The following ADAMTS14 variants were observed in gnomAD, a reference collection of about 807,000 sequenced individuals.
ADAMTS14 encodes the protein ADAM metallopeptidase with thrombospondin type 1 motif 14.
In ADAMTS14, 100 loss-of-function variants were observed where a neutral mutation model predicts 128.6. The observed-to-expected ratio is 0.78, with a 90% CI of 0.66 to 0.92. The LOEUF (loss-of-function observed/expected upper bound fraction) is 0.92. ADAMTS14 is among the 40% of genes least tolerant of loss of function. The probability of loss-of-function intolerance (pLI) is 0.00; values close to 1 mark genes in which losing one functional copy is unlikely to be tolerated. For missense variants in ADAMTS14, 1,562 were observed against 1,658.6 expected (o/e 0.94, Z 1.01); for synonymous variants, 665 against 653.8 (o/e 1.02, Z -0.26).
intron 7 of ADAMTS14, among the ~76,000 whole-genome samples, chr10:70,732,726 G>A (rs1000354898): frequency 3.3e-5 from 5 of 152,140 alleles, no homozygotes; most frequent in African/African-American, 4.8e-5. Flanking sequence ...CCTCCATCAC[G>A]TCCACATTTG....
chr10:70,752,614 G>A (rs1441477431), intron 18 of ADAMTS14, among the ~76,000 whole-genome samples: 1 of 152,114 alleles, frequency 6.6e-6, no homozygotes, highest in East Asian at 1.9e-4. Flanking sequence ...TGAACCTGTT[G>A]CAGAGCCGGC....
intron 2 of ADAMTS14, among the ~76,000 whole-genome samples, chr10:70,688,595 C>T (rs1276053012): frequency 6.7e-5 from 6 of 89,646 alleles, no homozygotes; most frequent in Non-Finnish European, 1.2e-4. Flanking sequence ...ACTGAGTGAA[C>T]GAGACTCCGT....
intron 3 of ADAMTS14, among the ~76,000 whole-genome samples, chr10:70,706,502 G>A (rs1053699834): frequency 5.3e-5 from 8 of 152,206 alleles, no homozygotes; most frequent in Non-Finnish European, 7.4e-5. Flanking sequence ...CCTGCTGGGG[G>A]CTGCCCTCCT....
chr10:70,753,796 C>G lies in ADAMTS14; in HGVS notation c.2730-4C>G, dbSNP rs1564560404. ...CACCTCCTCTCCTTTCACCCTGTTT[C>G]CAGGTGGGTGACGGAGGAGTGGGGT... On this transcript the variant is annotated splice_region_variant and splice_polypyrimidine_tract_variant and intron_variant, in intron 18 of 21. Transcript: ENST00000373207. 1 of 1,566,366 alleles carries G rather than the reference C, an allele frequency of 6.4e-7. No individual in the cohort carries two copies. The highest frequency in any genetic ancestry group is 1.9e-5 in the Admixed American group (1 of 52,422).
At chr10:70,728,375 CT>C (rs1261449991) in intron 4 of ADAMTS14, among the ~76,000 whole-genome samples, 1 of 152,114 alleles carries the variant, frequency 6.6e-6, no homozygotes, top group African/African-American at 2.4e-5. Context: ...ATTTCATTTT[CT>C]TTTTTTGTAG....
chr10:70,689,104 C>A lies in ADAMTS14; in HGVS notation c.523-13208C>A, dbSNP rs1392729327. Among the ~76,000 whole-genome samples, 2 of 138,078 alleles carry A rather than the reference C, an allele frequency of 1.4e-5. 1 individual carries two copies. The highest frequency in any genetic ancestry group is 5.0e-5 in the African/African-American group (2 of 39,770). The allele number at this position is 138,078 out of a possible 152,430, so 90.6% of individuals were successfully genotyped here. A position where few individuals can be genotyped will look rare whatever the true frequency, so the allele number is the denominator to read the frequency against. On this transcript the variant is annotated intron_variant, in intron 2 of 21. Coordinates refer to ENST00000373207, the MANE Select transcript of ADAMTS14 (RefSeq NM_080722.4). ...GTTCCACAGCCTGGCCGACTGCTGG[C>A]CTGGGTGCATCGTGCCTTTGAGGCT...
At chr10:70,691,825 G>A (rs138804250) in intron 2 of ADAMTS14, among the ~76,000 whole-genome samples, 1 of 152,270 alleles carries the variant, frequency 6.6e-6, no homozygotes, top group East Asian at 1.9e-4. Flanking sequence ...GACTCCCTCT[G>A]TCCCCTCTCA....
rs1841840161 is a variant in ADAMTS14 at position 70,736,742 on chromosome 10, C to T, written c.1548C>T (p.Cys516=). 1 of 1,613,846 alleles carries T rather than the reference C, an allele frequency of 6.2e-7. No individual in the cohort carries two copies. The highest frequency in any genetic ancestry group is 2.2e-5 in the East Asian group (1 of 44,860). ...GCCATCCTGACAACCCGTACTTCTG[C>T]AAGACCAAGAAGGGGCCCCCGCTGG... ...WCSHPDNPYF[C]KTKKGPPLDG... The change falls in exon 10 of 22, where the codon TGC becomes TGT. Residue 516 remains cysteine, a synonymous_variant. Coordinates refer to ENST00000373207, the MANE Select transcript of ADAMTS14 (RefSeq NM_080722.4).
chr10:70,726,791 C>G (rs530683163), intron 4 of ADAMTS14, among the ~76,000 whole-genome samples: 1 of 152,214 alleles, frequency 6.6e-6, no homozygotes, highest in South Asian at 2.1e-4. Context: ...CCTACTCCAC[C>G]CTGAAGTCCC....
chr10:70,704,898 G>A (rs1840612755), intron 3 of ADAMTS14, among the ~76,000 whole-genome samples: 1 of 151,500 alleles, frequency 6.6e-6, no homozygotes, highest in South Asian at 2.1e-4. Flanking sequence ...ACAAACACAT[G>A]CTTATACCCA....
intron 2 of ADAMTS14, among the ~76,000 whole-genome samples, chr10:70,687,305 C>T (rs1416164913): frequency 5.6e-5 from 6 of 107,668 alleles, no homozygotes; most frequent in African/African-American, 1.5e-4. Flanking sequence ...CCACCTCCCT[C>T]CTGGACAGGG....
At chr10:70,743,141 T>C (rs1842058389) in intron 12 of ADAMTS14, among the ~76,000 whole-genome samples, 1 of 152,184 alleles carries the variant, frequency 6.6e-6, no homozygotes, top group African/African-American at 2.4e-5. Flanking sequence ...ACCTACCTCA[T>C]TGAGGTGTTG....
chr10:70,761,015 C>A lies in ADAMTS14; in HGVS notation c.*162C>A. ...CTGTGATGCTCTTTACCCCACAAAG[C>A]GGGGTGGGAGGAAGACAAAGATCAG... On this transcript the variant is annotated 3_prime_UTR_variant, in exon 22 of 22. Coordinates refer to ENST00000373207, the MANE Select transcript of ADAMTS14 (RefSeq NM_080722.4). 9.3e-7 allele frequency: 1 copy of A among 1,074,792 alleles called. No homozygotes were observed. Among genetic ancestry groups the A allele is most frequent in the Non-Finnish European group, 1.3e-6 (1 of 789,558 alleles). 66.6% of individuals were successfully genotyped at this position (1,074,792 alleles called of 1,614,324 possible). A position where few individuals can be genotyped will look rare whatever the true frequency, so the allele number is the denominator to read the frequency against.
intron 2 of ADAMTS14, among the ~76,000 whole-genome samples, chr10:70,694,970 T>C (rs1239477488): frequency 6.6e-6 from 1 of 152,250 alleles, no homozygotes; most frequent in African/African-American, 2.4e-5. Context: ...TCAAAGTGGC[T>C]GCGCTGTTTT....
intron 3 of ADAMTS14, among the ~76,000 whole-genome samples, chr10:70,705,415 C>T (rs377703992): frequency 6.5e-4 from 99 of 152,336 alleles, no homozygotes; most frequent in East Asian, 3.9e-3. Context: ...ATGCCAGGGC[C>T]GCCAGCCGGG....
At chr10:70,708,457 C>T (rs1269282618) in intron 3 of ADAMTS14, 131 bp from the exon 4 acceptor site, 4 of 763,814 alleles carry the variant, frequency 5.2e-6, no homozygotes, top group South Asian at 4.0e-5. Flanking sequence ...GGAGCAATCC[C>T]TCATACTACT....
intron 7 of ADAMTS14, among the ~76,000 whole-genome samples, chr10:70,733,577 C>T (rs915582035): frequency 1.2e-4 from 19 of 152,110 alleles, no homozygotes; most frequent in East Asian, 1.9e-4. Context: ...GACCAGTGGC[C>T]GAGTGGGGCT....
intron 5 of ADAMTS14, among the ~76,000 whole-genome samples, chr10:70,729,666 G>A (rs1429042607): frequency 2.0e-5 from 3 of 152,128 alleles, no homozygotes; most frequent in African/African-American, 7.2e-5. Context: ...ACTGAGACAA[G>A]TCATGTTATG....
chr10:70,707,528 GC>G (rs983319878), intron 3 of ADAMTS14, among the ~76,000 whole-genome samples: 2 of 152,070 alleles, frequency 1.3e-5, no homozygotes. Context: ...TCACTCCACC[GC>G]CCCAGCAGAG....
Sources: gnomAD v4.1 joint callset for allele counts (sites outside exome capture counted in the v4.1 genomes callset) on GRCh38, gnomAD v4.1.1 for gene constraint, MANE v1.5 for transcripts, NCBI Gene and HGNC (gene_info 2026-07-23, HGNC 2026-07-21) for gene names.